PRKACB: variants seen among roughly 807,000 people sequenced by gnomAD.
The protein encoded by PRKACB is cAMP-dependent protein kinase catalytic subunit beta.
In PRKACB, 16 loss-of-function variants were observed where a neutral mutation model predicts 51.4. The observed-to-expected ratio is 0.31, with a 90% confidence interval of 0.21 to 0.47. The LOEUF (loss-of-function observed/expected upper bound fraction) is 0.47. Ranked by LOEUF, PRKACB falls within the 20% of genes least tolerant of loss-of-function variation. PRKACB has a pLI of 1.00. For synonymous variants in PRKACB, 147 were observed against 154.4 expected (o/e 0.95, Z 0.35); for missense variants, 309 against 464.5 (o/e 0.67, Z 3.08).
intron 1 of PRKACB, among the ~76,000 whole-genome samples, chr1:84,080,552 C>T (rs559074313): frequency 1.3e-5 from 2 of 152,148 alleles, no homozygotes; most frequent in South Asian, 2.1e-4. Context: ...TGAAATGTCA[C>T]GTGTTGATTA....
At chr1:84,078,354 G>A (rs773990157) in exon 1 of PRKACB, 38 of 1,612,388 alleles carry the variant, frequency 2.4e-5, no homozygotes, top group Non-Finnish European at 2.8e-5. Context: ...GCCAAGAAAG[G>A]CAGCGAGGTG....
In PRKACB at chr1:84,144,288, C is replaced by G. The variant is rs1416955835; in HGVS notation, c.-74C>G. ...AGTTTGACACATGCATAGCTCTTAGCTTCTGTGTAAGAAGTTGTGAGCTCC... is the reference window on the plus strand; with the variant it reads ...AGTTTGACACATGCATAGCTCTTAGGTTCTGTGTAAGAAGTTGTGAGCTCC... On this transcript the variant is annotated 5_prime_UTR_variant, in exon 1 of 10. Coordinates refer to ENST00000370685, the MANE Select transcript of PRKACB (RefSeq NM_182948.4). 1.3e-6 allele frequency: 2 copies of G among 1,568,918 alleles called. No homozygotes were observed. Among genetic ancestry groups the G allele is most frequent in the Non-Finnish European group, 1.7e-6 (2 of 1,163,828 alleles).
At chr1:84,129,142 T>G (rs1257479187) in intron 1 of PRKACB, among the ~76,000 whole-genome samples, 1 of 152,138 alleles carries the variant, frequency 6.6e-6, no homozygotes, top group Non-Finnish European at 1.5e-5. Context: ...TAAATAAATT[T>G]CCATATCTCT....
At chr1:84,133,626 G>T (rs1261398209) in intron 1 of PRKACB, among the ~76,000 whole-genome samples, 1 of 152,036 alleles carries the variant, frequency 6.6e-6, no homozygotes, top group Non-Finnish European at 1.5e-5. Context: ...GCTTCACTTG[G>T]CTTTACTCGG....
chr1:84,185,026 A>T (rs922376652), intron 4 of PRKACB, 74 bp from the exon 5 acceptor site: 44 of 844,352 alleles, frequency 5.2e-5, no homozygotes, highest in Non-Finnish European at 7.3e-5. Flanking sequence ...AATTTTTCTA[A>T]TTCAGCATTA....
intron 1 of PRKACB, among the ~76,000 whole-genome samples, chr1:84,166,320 C>T (rs1280870829): frequency 6.6e-6 from 1 of 151,598 alleles, no homozygotes. Context: ...TTATTTGAAT[C>T]AGGCCAATGC....
In PRKACB at chr1:84,199,828, A is replaced by ATTTG. The variant is rs1553181973; in HGVS notation, c.783+2008_783+2011dup. On this transcript the variant is annotated intron_variant, in intron 7 of 9. Transcript: ENST00000370685. Reference sequence around the variant, plus strand: ...TGCCAGCATCTGTTATTTTTTGACTATTTGTTTATTTATTTATTTATTTAT... The same window carrying ATTTG: ...TGCCAGCATCTGTTATTTTTTGACTATTTGTTTGTTTATTTATTTATTTATTTAT... Among the ~76,000 whole-genome samples, 85 of 126,858 alleles carry ATTTG rather than the reference A, an allele frequency of 6.7e-4. 1 individual carries two copies. The highest frequency in any genetic ancestry group is 8.0e-5 in the African/African-American group (3 of 37,556). The allele number at this position is 126,858 out of a possible 152,430, so 83.2% of individuals were successfully genotyped here. A position where few individuals can be genotyped will look rare whatever the true frequency, so the allele number is the denominator to read the frequency against.
At chr1:84,152,514 C>A (rs1654967207) in intron 1 of PRKACB, among the ~76,000 whole-genome samples, 1 of 152,136 alleles carries the variant, frequency 6.6e-6, no homozygotes, top group Non-Finnish European at 1.5e-5. Context: ...TTTAGTCTAG[C>A]CACCTTCATC....
rs756966456 is a variant in PRKACB, at chr1:84,200,074, C to T, written c.783+2250C>T. ...ATTGGTCAGGCTGGTCTTGAACTCC[C>T]GACCTCAAGTGGTGCACCCTCCTTG... On this transcript the variant is annotated intron_variant, in intron 7 of 9. Transcript: ENST00000370685. 5.9e-5 allele frequency among the ~76,000 whole-genome samples: 9 copies of T among 151,704 alleles called. No individual in the cohort carries two copies. The South Asian group carries it at 6.2e-4, about 11-fold the overall frequency.
chr1:84,080,089 T>A (rs969263503), intron 1 of PRKACB, among the ~76,000 whole-genome samples: 6 of 152,244 alleles, frequency 3.9e-5, no homozygotes, highest in African/African-American at 1.4e-4. Flanking sequence ...AATTTAAAGC[T>A]CTATTAACTT....
intron 8 of PRKACB, among the ~76,000 whole-genome samples, chr1:84,203,564 A>G (rs773058074): frequency 2.0e-5 from 3 of 151,996 alleles, no homozygotes; most frequent in South Asian, 4.1e-4. Context: ...ATTTCCTACC[A>G]TGCAGCAATG....
chr1:84,079,114 C>A (rs1047643228), intron 1 of PRKACB, among the ~76,000 whole-genome samples: 1 of 152,010 alleles, frequency 6.6e-6, no homozygotes, highest in African/African-American at 2.4e-5. Context: ...AGTAAAAAAT[C>A]ATGAAAATGG....
At chr1:84,174,445 T>G (rs1660568486) in intron 1 of PRKACB, among the ~76,000 whole-genome samples, 1 of 151,924 alleles carries the variant, frequency 6.6e-6, no homozygotes, top group Non-Finnish European at 1.5e-5. Context: ...CCCATTCCAT[T>G]ATGATGATTC....
chr1:84,162,075 A>G (rs896518511), intron 1 of PRKACB, among the ~76,000 whole-genome samples: 1 of 151,950 alleles, frequency 6.6e-6, no homozygotes, highest in Admixed American at 6.6e-5. Flanking sequence ...GGATAGAGAA[A>G]TGTTGGTGGA....
chr1:84,187,039 C>A (rs1400521689), intron 5 of PRKACB, among the ~76,000 whole-genome samples: 1 of 152,108 alleles, frequency 6.6e-6, no homozygotes, highest in Non-Finnish European at 1.5e-5. Flanking sequence ...TTGTGCAGTG[C>A]TTTTGAACTA....
chr1:84,171,839 A>C (rs1659592049), intron 1 of PRKACB, among the ~76,000 whole-genome samples: 1 of 151,656 alleles, frequency 6.6e-6, no homozygotes, highest in African/African-American at 2.4e-5. Context: ...AGATATTAAA[A>C]AAATCAATAT....
intron 1 of PRKACB, among the ~76,000 whole-genome samples, chr1:84,107,824 T>TA (rs1375474014): frequency 6.6e-6 from 1 of 150,800 alleles, no homozygotes; most frequent in Non-Finnish European, 1.5e-5. Context: ...TATTAAAGAG[T>TA]AAAAAAATAA....
upstream of PRKACB, among the ~76,000 whole-genome samples, chr1:84,142,732 C>A (rs181335915): frequency 8.7e-4 from 132 of 152,238 alleles, no homozygotes; most frequent in Admixed American, 3.7e-3. Context: ...CTTATAGATA[C>A]TGTTACATAC....
chr1:84,209,039 G>T lies in PRKACB; in HGVS notation c.907-5114G>T, dbSNP rs570393875. ...ACTCAGAATTACCCAAAGACAAAAG[G>T]TAGTTTGTGGCAAAGCAGGAAATAG... On this transcript the variant is annotated intron_variant, in intron 8 of 9. Coordinates refer to ENST00000370685, the MANE Select transcript of PRKACB (RefSeq NM_182948.4). Among the ~76,000 whole-genome samples, 32 of 152,252 alleles carry T rather than the reference G, an allele frequency of 2.1e-4. No homozygotes were observed. The South Asian group carries it at 6.2e-3, about 30-fold the overall frequency.
Sources: gnomAD v4.1 joint callset for allele counts (sites outside exome capture counted in the v4.1 genomes callset) on GRCh38, gnomAD v4.1.1 for gene constraint, MANE v1.5 for transcripts, NCBI Gene and HGNC (gene_info 2026-07-23, HGNC 2026-07-21) for gene names.